Variants in SUCLG2 observed in about 807,000 individuals in gnomAD.
SUCLG2 encodes succinate--CoA ligase [GDP-forming] subunit beta, mitochondrial.
In SUCLG2, 42 loss-of-function variants were observed where a neutral mutation model predicts 47.9. The ratio of observed to expected loss-of-function variants is 0.88; its 90% CI spans 0.69 to 1.14. The LOEUF (loss-of-function observed/expected upper bound fraction) is 1.14, where lower values mean the gene tolerates loss of function less well. SUCLG2 is among the 50% of genes most tolerant of loss of function. SUCLG2 has a pLI of 0.00. For missense variants in SUCLG2, 571 were observed against 525.9 expected, an observed-to-expected ratio of 1.09 and a Z score of -0.84; for synonymous variants, 195 against 197.3, an observed-to-expected ratio of 0.99 and a Z score of 0.10.
chr3:67,400,000 C>G (rs529454366), intron 10 of SUCLG2, among the ~76,000 whole-genome samples: 1 of 151,978 alleles, frequency 6.6e-6, no homozygotes, highest in Non-Finnish European at 1.5e-5. Flanking sequence ...GGGCAACAAA[C>G]AAACCCTGTC....
chr3:67,397,932 T>C (rs568916909), intron 10 of SUCLG2, among the ~76,000 whole-genome samples: 1 of 151,118 alleles, frequency 6.6e-6, no homozygotes, highest in East Asian at 2.0e-4. Flanking sequence ...GGATTCCCTA[T>C]TTAATAAATG....
intron 1 of SUCLG2, among the ~76,000 whole-genome samples, chr3:67,639,860 T>C (rs1382204614): frequency 6.6e-6 from 1 of 152,146 alleles, no homozygotes; most frequent in Non-Finnish European, 1.5e-5. Flanking sequence ...AGTCTTGGGG[T>C]TACTATGGTC....
Position 67,375,312 on chromosome 3 carries a change from T to C in SUCLG2, c.*432A>G, listed in dbSNP as rs562145357. ...TGTTCAGTGTAATCTTATGCCTTTT[T>C]AGTAATTAATATATTAAATATAATC... On this transcript the variant is annotated 3_prime_UTR_variant, in exon 11 of 11. Transcript: ENST00000307227. 15 of 978,076 alleles carry C rather than the reference T, an allele frequency of 1.5e-5. No individual in the cohort carries two copies. Among genetic ancestry groups the C allele is most frequent in the African/African-American group, 1.7e-5 (1 of 57,218 alleles). 60.6% of individuals were successfully genotyped at this position (978,076 alleles called of 1,614,324 possible). A position where few individuals can be genotyped will look rare whatever the true frequency, so the allele number is the denominator to read the frequency against.
chr3:67,375,612 G>C lies in SUCLG2; in HGVS notation c.*132C>G. 1 of 1,434,890 alleles carries C rather than the reference G, an allele frequency of 7.0e-7. No individual in the cohort carries two copies. The highest frequency in any genetic ancestry group is 9.1e-7 in the Non-Finnish European group (1 of 1,096,202). The allele number at this position is 1,434,890 out of a possible 1,614,324, so 88.9% of individuals were successfully genotyped here. ...CTTATTCCAGAAAACACAGATTTAA[G>C]ATTTTTCAGTGATTCTTGCCTTCCC... On this transcript the variant is annotated 3_prime_UTR_variant, in exon 11 of 11. Transcript: ENST00000307227.
chr3:67,465,990 AT>A (rs955251486), intron 9 of SUCLG2, among the ~76,000 whole-genome samples: 15 of 152,114 alleles, frequency 9.9e-5, no homozygotes, highest in Non-Finnish European at 1.9e-4. Flanking sequence ...ATTCCCATTC[AT>A]TTCTCACCAA....
At chr3:67,532,079 A>G (rs1258624691) in intron 2 of SUCLG2, among the ~76,000 whole-genome samples, 1 of 152,218 alleles carries the variant, frequency 6.6e-6, no homozygotes, top group Non-Finnish European at 1.5e-5. Flanking sequence ...ACCATCCTTT[A>G]GAAAAACAAG....
intron 1 of SUCLG2, among the ~76,000 whole-genome samples, chr3:67,648,522 G>A (rs773200741): frequency 7.2e-5 from 11 of 152,154 alleles, no homozygotes; most frequent in African/African-American, 4.8e-5. Flanking sequence ...AGCATGAGGC[G>A]GGTGACTCCC....
intron 9 of SUCLG2, among the ~76,000 whole-genome samples, chr3:67,409,457 G>T (rs537019862): frequency 1.1e-4 from 16 of 152,256 alleles, no homozygotes; most frequent in African/African-American, 3.9e-4. Context: ...GTAAGTGGCT[G>T]CTTGAAGAAT....
At chr3:67,502,729 T>C (rs955634263) in intron 7 of SUCLG2, among the ~76,000 whole-genome samples, 1 of 152,248 alleles carries the variant, frequency 6.6e-6, no homozygotes, top group Non-Finnish European at 1.5e-5. Flanking sequence ...GATTTCTGTT[T>C]AGAGCAAATC....
intron 1 of SUCLG2, among the ~76,000 whole-genome samples, chr3:67,644,933 C>T (rs1162497196): frequency 6.6e-6 from 1 of 152,004 alleles, no homozygotes; most frequent in Non-Finnish European, 1.5e-5. Context: ...ATCAAAATTC[C>T]AGGAAAAATA....
chr3:67,500,249 G>GCGTT (rs55818726), intron 7 of SUCLG2, among the ~76,000 whole-genome samples: 7,986 of 152,094 alleles, frequency 0.053, 308 homozygotes, highest in East Asian at 0.12. Context: ...TGGCATCTTG[G>GCGTT]CGTTAGAGAC....
intron 9 of SUCLG2, among the ~76,000 whole-genome samples, chr3:67,463,830 A>G (rs887863786): frequency 2.0e-5 from 3 of 152,206 alleles, no homozygotes; most frequent in African/African-American, 7.2e-5. Flanking sequence ...TCATCCTGTG[A>G]AAAGGTCAAG....
chr3:67,646,814 A>G (rs1701199869), intron 1 of SUCLG2, among the ~76,000 whole-genome samples: 1 of 152,164 alleles, frequency 6.6e-6, no homozygotes, highest in Admixed American at 6.5e-5. Flanking sequence ...TCGATGCCAA[A>G]GTCGCCCAAA....
chr3:67,651,593 G>A (rs115645255), intron 1 of SUCLG2, among the ~76,000 whole-genome samples: 19 of 152,320 alleles, frequency 1.2e-4, no homozygotes, highest in Non-Finnish European at 2.2e-4. Context: ...GGGGACTGGT[G>A]ACCCTTTGTA....
chr3:67,372,342 A>G (rs921037262), downstream of SUCLG2, among the ~76,000 whole-genome samples: 6 of 152,244 alleles, frequency 3.9e-5, no homozygotes, highest in African/African-American at 1.2e-4. Context: ...CCTCACTGGT[A>G]AAATGGATAC....
chr3:67,381,939 C>T (rs923161135), intron 10 of SUCLG2, among the ~76,000 whole-genome samples: 1 of 152,134 alleles, frequency 6.6e-6, no homozygotes, highest in African/African-American at 2.4e-5. Flanking sequence ...TTTTATTACA[C>T]ACAAGAGAAA....
intron 1 of SUCLG2, among the ~76,000 whole-genome samples, chr3:67,617,398 C>T (rs147216286): frequency 5.3e-5 from 8 of 152,172 alleles, no homozygotes; most frequent in African/African-American, 1.7e-4. Context: ...GAAGCCTAAG[C>T]CTATGGAAAG....
At chr3:67,485,941 T>A (rs932488576) in intron 9 of SUCLG2, among the ~76,000 whole-genome samples, 1 of 152,240 alleles carries the variant, frequency 6.6e-6, no homozygotes, top group African/African-American at 2.4e-5. Context: ...AGTTTTTTAC[T>A]TTACATTTAG....
intron 9 of SUCLG2, among the ~76,000 whole-genome samples, chr3:67,419,943 A>G (rs1009799704): frequency 2.6e-5 from 4 of 152,174 alleles, no homozygotes; most frequent in African/African-American, 9.7e-5. Flanking sequence ...GGTGAGGGAA[A>G]CAGAAAAGAC....
Sources: gnomAD v4.1 joint callset for allele counts (sites outside exome capture counted in the v4.1 genomes callset) on GRCh38, gnomAD v4.1.1 for gene constraint, MANE v1.5 for transcripts, NCBI Gene and HGNC (gene_info 2026-07-23, HGNC 2026-07-21) for gene names.